SGCD: variants seen among roughly 807,000 people sequenced by gnomAD.
SGCD encodes sarcoglycan delta.
SGCD carries 18 observed loss-of-function variants against 36.6 expected under a neutral mutation model. That is an observed-to-expected ratio of 0.49 (90% CI 0.34 to 0.73). SGCD has a LOEUF of 0.73. Ranked by LOEUF, SGCD falls within the 30% of genes least tolerant of loss-of-function variation. The probability of loss-of-function intolerance (pLI) is 0.01; values close to 1 mark genes in which losing one functional copy is unlikely to be tolerated. For synonymous variants in SGCD, 133 were observed against 130.6 expected, an observed-to-expected ratio of 1.02 and a Z score of -0.12; for missense variants, 387 against 346.7, an observed-to-expected ratio of 1.12 and a Z score of -0.92.
intron 4 of SGCD, among the ~76,000 whole-genome samples, chr5:156,555,322 A>G (rs1049826312): frequency 6.6e-6 from 1 of 152,110 alleles, no homozygotes; most frequent in African/African-American, 2.4e-5. Context: ...ATTTACATCT[A>G]TGCTTCCTTA....
At chr5:156,440,148 G>C (rs978137010) in intron 3 of SGCD, among the ~76,000 whole-genome samples, 2 of 151,970 alleles carry the variant, frequency 1.3e-5, no homozygotes, top group African/African-American at 4.8e-5. Context: ...CCCCTTCCCT[G>C]TAGTCATTGG....
chr5:156,140,456 A>T (rs553084074), intron 3 of SGCD, among the ~76,000 whole-genome samples: 1 of 152,296 alleles, frequency 6.6e-6, no homozygotes, highest in South Asian at 2.1e-4. Context: ...GGTCGTGAGG[A>T]ATATCTTATT....
intron 3 of SGCD, among the ~76,000 whole-genome samples, chr5:156,256,651 A>G (rs1243486674): frequency 6.6e-6 from 1 of 152,186 alleles, no homozygotes; most frequent in Non-Finnish European, 1.5e-5. Context: ...TTTGATTGAC[A>G]TACATTTTAA....
chr5:156,724,157 C>A (rs1429944098), intron 7 of SGCD, among the ~76,000 whole-genome samples: 7 of 152,098 alleles, frequency 4.6e-5, no homozygotes. Flanking sequence ...TCTGGCCAGG[C>A]CTGTCATGTG....
chr5:155,949,240 G>A (rs1460066081), intron 1 of SGCD, among the ~76,000 whole-genome samples: 2 of 152,210 alleles, frequency 1.3e-5, no homozygotes, highest in South Asian at 2.1e-4. Flanking sequence ...ACTCTCCAAG[G>A]CACAGATCTG....
At chr5:156,177,775 A>T (rs1382111534) in intron 3 of SGCD, among the ~76,000 whole-genome samples, 1 of 152,140 alleles carries the variant, frequency 6.6e-6, no homozygotes, top group African/African-American at 2.4e-5. Flanking sequence ...CAGGGATCTA[A>T]TTTTTGTTGC....
intron 3 of SGCD, among the ~76,000 whole-genome samples, chr5:156,408,624 G>T (rs1772551544): frequency 2.0e-5 from 3 of 152,172 alleles, no homozygotes; most frequent in Admixed American, 1.3e-4. Context: ...CTCCCAAAGT[G>T]CTGGGATTAC....
chr5:155,841,449 G>A, the SGCD span, among the ~76,000 whole-genome samples: 3 of 152,152 alleles, frequency 2.0e-5, no homozygotes, highest in Admixed American at 2.0e-4. Flanking sequence ...ATACCTCATT[G>A]TAGTTGTAAT....
chr5:156,626,127 C>A (rs764027579), intron 6 of SGCD, among the ~76,000 whole-genome samples: 8 of 152,150 alleles, frequency 5.3e-5, no homozygotes, highest in Non-Finnish European at 1.0e-4. Flanking sequence ...CAGCCCCCTA[C>A]AACAAAGAAT....
chr5:156,150,708 A>C (rs1485427244), intron 3 of SGCD, among the ~76,000 whole-genome samples: 1 of 151,538 alleles, frequency 6.6e-6, no homozygotes, highest in Non-Finnish European at 1.5e-5. Context: ...TTTCTCTAAG[A>C]CTCTTAAAAT....
At chr5:155,893,400 ATAGAT>A (rs1048417983) in intron 1 of SGCD, among the ~76,000 whole-genome samples, 1 of 152,262 alleles carries the variant, frequency 6.6e-6, no homozygotes, top group African/African-American at 2.4e-5. Flanking sequence ...AACATATAGA[ATAGAT>A]TAAAGAAAAA....
intron 4 of SGCD, among the ~76,000 whole-genome samples, chr5:156,550,778 C>T (rs536982326): frequency 1.3e-5 from 2 of 152,224 alleles, no homozygotes; most frequent in South Asian, 2.1e-4. Flanking sequence ...CCTCTGTGCA[C>T]AAAAGAAAGT....
intron 3 of SGCD, among the ~76,000 whole-genome samples, chr5:156,490,975 ACT>A (rs1755912886): frequency 6.6e-6 from 1 of 152,050 alleles, no homozygotes; most frequent in African/African-American, 2.4e-5. Flanking sequence ...CCACCAGAAA[ACT>A]CTTAGAAATG....
chr5:156,582,178 A>G (rs1428095722), intron 4 of SGCD, among the ~76,000 whole-genome samples: 1 of 152,172 alleles, frequency 6.6e-6, no homozygotes, highest in East Asian at 1.9e-4. Context: ...GTTGGAAGAA[A>G]TGTTGTTTTG....
At chr5:155,806,310 ATGCC>A in the SGCD span, among the ~76,000 whole-genome samples, 1 of 152,098 alleles carries the variant, frequency 6.6e-6, no homozygotes, top group Non-Finnish European at 1.5e-5. Flanking sequence ...ACCCGCCACC[ATGCC>A]TGGCTAATTT....
At chr5:156,287,483 T>G (rs1766638469) in intron 3 of SGCD, among the ~76,000 whole-genome samples, 1 of 152,080 alleles carries the variant, frequency 6.6e-6, no homozygotes, top group African/African-American at 2.4e-5. Flanking sequence ...AGAGATGTAC[T>G]GAAAAGCCAA....
intron 1 of SGCD, among the ~76,000 whole-genome samples, chr5:156,059,265 T>TGA (rs1260799035): frequency 1.4e-5 from 2 of 145,602 alleles, no homozygotes; most frequent in African/African-American, 4.9e-5. Context: ...GTTTCCCAGC[T>TGA]GAGAGAGAGA....
intron 1 of SGCD, among the ~76,000 whole-genome samples, chr5:156,079,255 G>T (rs561336882): frequency 1.3e-5 from 2 of 152,008 alleles, no homozygotes; most frequent in Admixed American, 6.6e-5. Context: ...GATCTGCCCC[G>T]CATGACCCAA....
At chr5:156,709,464 G>A (rs1323636570) in intron 7 of SGCD, among the ~76,000 whole-genome samples, 1 of 152,176 alleles carries the variant, frequency 6.6e-6, no homozygotes, top group East Asian at 1.9e-4. Flanking sequence ...TTGAGGCCTA[G>A]CCAGCTCCAC....
Sources: allele counts gnomAD v4.1 joint callset (sites outside exome capture counted in the v4.1 genomes callset), GRCh38; gene constraint gnomAD v4.1.1; transcripts MANE v1.5; gene names NCBI Gene and HGNC (gene_info 2026-07-23, HGNC 2026-07-21).